The following GPM6B variants were observed in gnomAD, a reference collection of about 807,000 sequenced individuals.
GPM6B encodes neuronal membrane glycoprotein M6-b.
A neutral mutation model predicts 27.2 loss-of-function variants in GPM6B; 4 were observed. The observed-to-expected ratio is 0.15, with a 90% CI of 0.07 to 0.34. The LOEUF (loss-of-function observed/expected upper bound fraction) is 0.34. GPM6B is among the 10% of genes least tolerant of loss of function. GPM6B has a pLI of 1.00. For synonymous variants in GPM6B, 124 were observed against 103.1 expected (o/e 1.20, Z -1.23); for missense variants, 183 against 261.9 (o/e 0.70, Z 2.08).
intron 1 of GPM6B, among the ~76,000 whole-genome samples, chrX:13,843,612 T>C (rs1427029659): frequency 8.9e-6 from 1 of 112,596 alleles, no homozygotes; most frequent in Non-Finnish European, 1.9e-5. Flanking sequence ...ATGTATTTAC[T>C]GTCTTTTGAT....
intron 1 of GPM6B, chrX:13,889,546 C>G (rs988790749): frequency 9.0e-6 from 1 of 111,389 alleles, no homozygotes; most frequent in Non-Finnish European, 1.9e-5. Flanking sequence ...AAGAAGGAAA[C>G]GAACCTAGGA....
intron 1 of GPM6B, among the ~76,000 whole-genome samples, chrX:13,844,960 TTTTA>T (rs2049626138): frequency 9.0e-6 from 1 of 110,646 alleles, no homozygotes; most frequent in Non-Finnish European, 1.9e-5. Flanking sequence ...GAATGTTTCT[TTTTA>T]TTTATTTTCA....
At chrX:13,853,748 C>T (rs964633551) in intron 1 of GPM6B, among the ~76,000 whole-genome samples, 1 of 111,014 alleles carries the variant, frequency 9.0e-6, no homozygotes, top group Non-Finnish European at 1.9e-5. Context: ...CAGTTCTGCC[C>T]AGAAAAGCTG....
intron 1 of GPM6B, among the ~76,000 whole-genome samples, chrX:13,927,174 A>AC (rs1921259736): frequency 9.0e-6 from 1 of 111,442 alleles, no homozygotes; most frequent in African/African-American, 3.2e-5. Context: ...ATAAAAAAAA[A>AC]AACAATGAAA....
chrX:13,794,969 A>G (rs1048611168), intron 2 of GPM6B, among the ~76,000 whole-genome samples: 2 of 112,073 alleles, frequency 1.8e-5, no homozygotes, highest in South Asian at 3.7e-4. Context: ...AGACTTAAGT[A>G]TTTGGCAGAA....
rs949417416 is a variant in GPM6B, at chrX:13,874,942, C to T, written c.-198+63385G>A. Among the ~76,000 whole-genome samples the T allele has an allele frequency of 2.9e-5, 3 of 102,794 alleles. No homozygotes were observed. In the East Asian group the frequency reaches 1.0e-3, roughly 35 times the overall value. The allele number at this position is 102,794 out of a possible 115,157, so 89.3% of individuals were successfully genotyped here. On this transcript the variant is annotated intron_variant, in intron 1 of 6. Coordinates refer to the GPM6B transcript ENST00000398361. The stretch of plus-strand genomic sequence containing the variant: ...ATACTCCATACACATACCAATCCCC[C>T]CCCCACCCCCGCTTCAAACTCTCCC...
intron 1 of GPM6B, among the ~76,000 whole-genome samples, chrX:13,846,186 G>A (rs1603074456): frequency 9.1e-6 from 1 of 109,805 alleles, no homozygotes; most frequent in African/African-American, 3.3e-5. Flanking sequence ...TTTCCTCTAC[G>A]AAATTCTGAA....
chrX:13,839,399 T>G (rs1311558110), intron 1 of GPM6B, among the ~76,000 whole-genome samples: 1 of 111,930 alleles, frequency 8.9e-6, no homozygotes, highest in African/African-American at 3.3e-5. Context: ...CCCAATCACC[T>G]TAGACATATG....
chrX:13,827,180 T>C (rs1258096459), intron 1 of GPM6B, among the ~76,000 whole-genome samples: 2 of 107,184 alleles, frequency 1.9e-5, no homozygotes, highest in Non-Finnish European at 3.8e-5. Flanking sequence ...TCGCACTGTC[T>C]CCCCATCTCC....
At chrX:13,828,496 TTTTTC>T (rs1479644812) in intron 1 of GPM6B, among the ~76,000 whole-genome samples, 1 of 111,752 alleles carries the variant, frequency 8.9e-6, no homozygotes, top group South Asian at 3.8e-4. Flanking sequence ...AAATAATTTT[TTTTTC>T]TTTGTAAGTT....
At position 13,884,941 on chromosome X, in the gene GPM6B, C is replaced by A. The variant is rs772738663; in HGVS notation, c.-198+53386G>T. Reference sequence around the variant, plus strand: ...AAATGACACGACCCAACAGAGCACACGGCCTGCCCAAAATTTATAGGAGAG... The same window carrying A: ...AAATGACACGACCCAACAGAGCACAAGGCCTGCCCAAAATTTATAGGAGAG... On this transcript the variant is annotated intron_variant, in intron 1 of 6. Coordinates refer to the GPM6B transcript ENST00000398361. 1.3e-4 allele frequency among the ~76,000 whole-genome samples: 15 copies of A among 112,002 alleles called. No homozygotes were observed. In the East Asian group the frequency reaches 3.4e-3, roughly 25 times the overall value.
intron 1 of GPM6B, among the ~76,000 whole-genome samples, chrX:13,906,605 A>C: frequency 8.9e-6 from 1 of 112,556 alleles, no homozygotes; most frequent in East Asian, 2.8e-4. Context: ...GTTGTAACTC[A>C]TATCTTTCAA....
chrX:13,847,921 A>T (rs1254165719), intron 1 of GPM6B, among the ~76,000 whole-genome samples: 2 of 111,980 alleles, frequency 1.8e-5, no homozygotes, highest in Non-Finnish European at 3.8e-5. Flanking sequence ...GCAAGAAAGG[A>T]AGTATTAAGA....
rs766147734 is a variant in GPM6B at position 13,888,205 on chromosome X, T to C, written c.-198+50122A>G. Among the ~76,000 whole-genome samples the C allele has an allele frequency of 8.0e-5, 9 of 112,571 alleles. No homozygotes were observed. The South Asian group carries it at 3.3e-3, about 41-fold the overall frequency. ...ATTTCTTTATGCAGCCAGGGCTTATTATAAAGCCCACTTTCTTGCAGAAGC... is the reference window on the plus strand; with the variant it reads ...ATTTCTTTATGCAGCCAGGGCTTATCATAAAGCCCACTTTCTTGCAGAAGC... On this transcript the variant is annotated intron_variant, in intron 1 of 6. Transcript: ENST00000398361.
intron 1 of GPM6B, among the ~76,000 whole-genome samples, chrX:13,878,159 TA>T (rs34946712): frequency 0.29 from 30,788 of 105,357 alleles, 4,209 homozygotes; most frequent in African/African-American, 0.51. Flanking sequence ...ATAAAGCTGT[TA>T]AAAAAAAAAA....
At position 13,798,768 on chromosome X, in the gene GPM6B, T is replaced by A. The variant is rs766761395; in HGVS notation, c.181+8882A>T. ...CAAAGCGTAGGACCTAGCCCAGGGGTTCTCAACTCTTGGTACTATTGGCAT... is the reference window on the plus strand; with the variant it reads ...CAAAGCGTAGGACCTAGCCCAGGGGATCTCAACTCTTGGTACTATTGGCAT... On this transcript the variant is annotated intron_variant, in intron 2 of 7. Transcript: ENST00000316715. Among the ~76,000 whole-genome samples, 10 of 112,245 alleles carry A rather than the reference T, an allele frequency of 8.9e-5. No individual in the cohort carries two copies. The Admixed American group carries it at 9.4e-4, about 11-fold the overall frequency.
At chrX:13,859,665 T>C (rs1227309955) in intron 1 of GPM6B, among the ~76,000 whole-genome samples, 1 of 110,134 alleles carries the variant, frequency 9.1e-6, no homozygotes, top group Non-Finnish European at 1.9e-5. Context: ...TTTTTGTTCA[T>C]CTAAAAAAAA....
rs369222686 is a variant in GPM6B, at chrX:13,833,573, G to GA, written c.-197-47766dup. Among the ~76,000 whole-genome samples the GA allele has an allele frequency of 5.9e-3, 441 of 74,123 alleles. 5 individuals are homozygous for GA. The highest frequency in any genetic ancestry group is 0.025 in the African/African-American group (420 of 16,981). 64.4% of individuals were successfully genotyped at this position (74,123 alleles called of 115,157 possible). ...CTTAAAAAAAAAAAAAAAAAAACTA[G>GA]AAAAAAAATTAGCTAGGCTTGGTGG... On this transcript the variant is annotated intron_variant, in intron 1 of 6. Transcript: ENST00000398361.
chrX:13,817,802 T>C (rs751338426), upstream of GPM6B, among the ~76,000 whole-genome samples: 13 of 112,318 alleles, frequency 1.2e-4, no homozygotes, highest in African/African-American at 4.2e-4. Context: ...ATATATATGA[T>C]AGTAAGAGAA....
Sources: allele counts gnomAD v4.1 joint callset (sites outside exome capture counted in the v4.1 genomes callset), GRCh38; gene constraint gnomAD v4.1.1; transcripts MANE v1.5; gene names NCBI Gene and HGNC (gene_info 2026-07-23, HGNC 2026-07-21).